The following FSTL5 variants were observed in gnomAD, a reference collection of about 807,000 sequenced individuals.
FSTL5 encodes the protein follistatin like 5.
Under a neutral mutation model 89.1 loss-of-function variants are expected in FSTL5, and 62 were observed. The ratio of observed to expected loss-of-function variants is 0.70; its 90% confidence interval spans 0.57 to 0.86. The LOEUF is 0.86. Ranked by LOEUF, FSTL5 falls within the 40% of genes least tolerant of loss-of-function variation. The pLI is 0.00. For missense variants in FSTL5, 1,057 were observed against 1,001.6 expected (o/e 1.06, Z -0.75); for synonymous variants, 383 against 346.2 (o/e 1.11, Z -1.18).
chr4:161,556,844 GTGTATATA>G (rs975033460), intron 8 of FSTL5, among the ~76,000 whole-genome samples: 1 of 144,780 alleles, frequency 6.9e-6, no homozygotes, highest in Non-Finnish European at 1.6e-5. Flanking sequence ...GTGTGTGTGT[GTGTATATA>G]TATATATATA....
At chr4:161,500,922 A>G (rs1730272072) in intron 11 of FSTL5, among the ~76,000 whole-genome samples, 1 of 152,050 alleles carries the variant, frequency 6.6e-6, no homozygotes, top group South Asian at 2.1e-4. Context: ...CATACTCATG[A>G]ACACCTGTTC....
At chr4:162,128,697 GA>G (rs1732177879) in intron 1 of FSTL5, among the ~76,000 whole-genome samples, 2 of 152,086 alleles carry the variant, frequency 1.3e-5, no homozygotes, top group Admixed American at 6.6e-5. Flanking sequence ...AGATGAGGAA[GA>G]AAGATTAAGA....
At chr4:161,825,094 A>G (rs1730625299) in intron 4 of FSTL5, among the ~76,000 whole-genome samples, 2 of 152,254 alleles carry the variant, frequency 1.3e-5, no homozygotes, top group South Asian at 4.2e-4. Context: ...AAGGGTTTTA[A>G]TCATAAAGGG....
chr4:161,825,744 C>T (rs1471495756), intron 4 of FSTL5, among the ~76,000 whole-genome samples: 2 of 152,056 alleles, frequency 1.3e-5, no homozygotes, highest in Admixed American at 1.3e-4. Context: ...TCACTTGTTT[C>T]ATTTTTATTT....
At chr4:162,048,283 T>C (rs1578985238) in intron 2 of FSTL5, among the ~76,000 whole-genome samples, 1 of 151,984 alleles carries the variant, frequency 6.6e-6, no homozygotes, top group African/African-American at 2.4e-5. Context: ...GCGGCGATGG[T>C]GTCACTGCAC....
intron 4 of FSTL5, among the ~76,000 whole-genome samples, chr4:161,886,439 C>G (rs1732809982): frequency 6.6e-6 from 1 of 152,116 alleles, no homozygotes; most frequent in Admixed American, 6.6e-5. Context: ...TTTTCAGAAG[C>G]TAGATGACCA....
At chr4:161,586,845 C>T (rs1175572784) in intron 8 of FSTL5, among the ~76,000 whole-genome samples, 2 of 152,080 alleles carry the variant, frequency 1.3e-5, no homozygotes, top group African/African-American at 4.8e-5. Context: ...GTTTCTGCCT[C>T]CTTTTCATAA....
chr4:162,086,327 ATCTT>A (rs917459969), intron 2 of FSTL5, among the ~76,000 whole-genome samples: 10 of 150,258 alleles, frequency 6.7e-5, no homozygotes, highest in East Asian at 3.9e-4. Context: ...CCCTCTTCCT[ATCTT>A]TCTTTATTTC....
intron 8 of FSTL5, among the ~76,000 whole-genome samples, chr4:161,546,043 A>G (rs2126549652): frequency 6.6e-6 from 1 of 151,860 alleles, no homozygotes; most frequent in Non-Finnish European, 1.5e-5. Flanking sequence ...ATAATGTTGT[A>G]ATTAAAATAA....
At chr4:161,450,478 C>T (rs552289395) in intron 15 of FSTL5, among the ~76,000 whole-genome samples, 27 of 152,002 alleles carry the variant, frequency 1.8e-4, no homozygotes, top group Non-Finnish European at 2.6e-4. Context: ...TATGCATTAG[C>T]CATGTAATTT....
intron 4 of FSTL5, among the ~76,000 whole-genome samples, chr4:161,810,803 G>A (rs1445876307): frequency 6.6e-6 from 1 of 152,098 alleles, no homozygotes; most frequent in African/African-American, 2.4e-5. Flanking sequence ...AGGCATTGTA[G>A]CTGTAACAAA....
chr4:161,673,791 A>C (rs1041215736), intron 6 of FSTL5, among the ~76,000 whole-genome samples: 1 of 151,866 alleles, frequency 6.6e-6, no homozygotes, highest in African/African-American at 2.4e-5. Context: ...ATTATTTTTA[A>C]GGATATATTT....
At chr4:161,988,482 T>C (rs1203448380) in intron 3 of FSTL5, among the ~76,000 whole-genome samples, 4 of 152,156 alleles carry the variant, frequency 2.6e-5, no homozygotes, top group Non-Finnish European at 5.9e-5. Context: ...AAAGTAAAGA[T>C]AGGAAATTTT....
chr4:161,951,956 A>G lies in FSTL5; in HGVS notation c.161-31304T>C, dbSNP rs143403832. 1.6e-3 allele frequency among the ~76,000 whole-genome samples: 245 copies of G among 152,176 alleles called. 1 individual carries two copies. Among genetic ancestry groups the G allele is most frequent in the African/African-American group, 5.6e-3 (231 of 41,570 alleles). On this transcript the variant is annotated intron_variant, in intron 3 of 15. Transcript: ENST00000306100. ...AGAAAGATTTAGATGTACTATAAACAAATTCATTGATTCCTTAACTCACTT... is the reference window on the plus strand; with the variant it reads ...AGAAAGATTTAGATGTACTATAAACGAATTCATTGATTCCTTAACTCACTT...
intron 7 of FSTL5, among the ~76,000 whole-genome samples, chr4:161,606,304 C>G (rs1048460084): frequency 1.2e-4 from 17 of 138,776 alleles, no homozygotes; most frequent in Non-Finnish European, 2.4e-4. Context: ...AGTGCAGTGG[C>G]GCGATCCCGG....
intron 4 of FSTL5, among the ~76,000 whole-genome samples, chr4:161,795,839 C>T (rs867585349): frequency 6.6e-6 from 1 of 151,970 alleles, no homozygotes; most frequent in Non-Finnish European, 1.5e-5. Flanking sequence ...GTTTTGATTA[C>T]TAAAGCTTTA....
intron 6 of FSTL5, among the ~76,000 whole-genome samples, chr4:161,660,510 G>A (rs904570591): frequency 3.9e-5 from 6 of 151,948 alleles, no homozygotes; most frequent in African/African-American, 1.5e-4. Context: ...TACATGTATG[G>A]GTTTGTTACA....
intron 2 of FSTL5, among the ~76,000 whole-genome samples, chr4:162,073,515 T>C (rs1260414498): frequency 1.3e-5 from 2 of 151,734 alleles, no homozygotes; most frequent in African/African-American, 4.8e-5. Context: ...ACAGGAAAAC[T>C]TTACATCAAG....
At chr4:161,853,243 A>G (rs916636174) in intron 4 of FSTL5, among the ~76,000 whole-genome samples, 2 of 152,102 alleles carry the variant, frequency 1.3e-5, no homozygotes, top group Admixed American at 1.3e-4. Flanking sequence ...GTAGATTAAT[A>G]AATGTTAAGT....
Sources: gnomAD v4.1 joint callset for allele counts (sites outside exome capture counted in the v4.1 genomes callset) on GRCh38, gnomAD v4.1.1 for gene constraint, MANE v1.5 for transcripts, NCBI Gene and HGNC (gene_info 2026-07-23, HGNC 2026-07-21) for gene names.